The following LINGO1 variants were observed in gnomAD, a reference collection of about 807,000 sequenced individuals.
LINGO1 encodes leucine-rich repeat and immunoglobulin-like domain-containing nogo receptor-interacting protein 1.
A neutral mutation model predicts 37.3 loss-of-function variants in LINGO1; 11 were observed. That is an observed-to-expected ratio of 0.29 (90% CI 0.19 to 0.49). The LOEUF is 0.49. LINGO1 is among the 20% of genes least tolerant of loss of function. The pLI is 0.99. For synonymous variants in LINGO1, 387 were observed against 403.0 expected, an observed-to-expected ratio of 0.96 and a Z score of 0.48; for missense variants, 585 against 878.2, an observed-to-expected ratio of 0.67 and a Z score of 4.22.
intron 1 of LINGO1, among the ~76,000 whole-genome samples, chr15:77,748,462 G>C (rs2076336493): frequency 1.5e-5 from 1 of 68,720 alleles, no homozygotes; most frequent in African/African-American, 3.4e-5. Context: ...CCAGCACAGA[G>C]CCTGGCTCAG....
chr15:77,703,713 C>T (rs1456298156), intron 2 of LINGO1, among the ~76,000 whole-genome samples: 1 of 152,200 alleles, frequency 6.6e-6, no homozygotes, highest in East Asian at 1.9e-4. Context: ...GAAGCCCGAT[C>T]CTTGGGGTTT....
intron 1 of LINGO1, among the ~76,000 whole-genome samples, chr15:77,747,892 G>A: frequency 6.6e-6 from 1 of 152,244 alleles, no homozygotes; most frequent in Admixed American, 6.5e-5. Context: ...AAGGAGGCAG[G>A]GAGGAGGAGG....
At chr15:77,631,960 G>T (rs945062175) in intron 1 of LINGO1, among the ~76,000 whole-genome samples, 1 of 152,116 alleles carries the variant, frequency 6.6e-6, no homozygotes, top group Non-Finnish European at 1.5e-5. Flanking sequence ...ACCCACCCAG[G>T]GCTGAGCAGG....
At chr15:77,684,908 C>T (rs1448150236) in intron 2 of LINGO1, among the ~76,000 whole-genome samples, 1 of 152,116 alleles carries the variant, frequency 6.6e-6, no homozygotes, top group Non-Finnish European at 1.5e-5. Context: ...AGGGGCTGGG[C>T]AACAAGCTCG....
intron 1 of LINGO1, among the ~76,000 whole-genome samples, chr15:77,631,001 C>T (rs896281197): frequency 1.3e-5 from 2 of 152,232 alleles, no homozygotes; most frequent in Admixed American, 6.5e-5. Context: ...TTTTGAGCTC[C>T]TCCCTGGCTT....
chr15:77,808,604 T>A (rs1351190333), intron 1 of LINGO1, among the ~76,000 whole-genome samples: 1 of 152,074 alleles, frequency 6.6e-6, no homozygotes, highest in Non-Finnish European at 1.5e-5. Context: ...CAGCACAGAC[T>A]CCCCTCTGTC....
In LINGO1 at chr15:77,632,340, G is replaced by A. The variant is rs1236142041; in HGVS notation, c.-25C>T. Reference sequence around the variant, plus strand: ...TCTCGGGCGCGCCTTCGGTCCGCTCGGCTCGGTCACCAATCGCATGTCTCT... The same window carrying A: ...TCTCGGGCGCGCCTTCGGTCCGCTCAGCTCGGTCACCAATCGCATGTCTCT... On this transcript the variant is annotated 5_prime_UTR_variant, in exon 1 of 2. Coordinates refer to ENST00000355300, the MANE Select transcript of LINGO1 (RefSeq NM_032808.7). The surrounding 1 kb of genome is among the most constrained non-coding windows in gnomAD (Gnocchi z 6.0). 5 of 1,432,160 alleles carry A rather than the reference G, an allele frequency of 3.5e-6. No individual in the cohort carries two copies. Among genetic ancestry groups the A allele is most frequent in the Admixed American group, 5.0e-5 (2 of 39,954 alleles). The allele number at this position is 1,432,160 out of a possible 1,614,324, so 88.7% of individuals were successfully genotyped here. A position where few individuals can be genotyped will look rare whatever the true frequency, so the allele number is the denominator to read the frequency against.
intron 2 of LINGO1, among the ~76,000 whole-genome samples, chr15:77,732,923 A>C (rs1368890902): frequency 6.6e-6 from 1 of 152,190 alleles, no homozygotes; most frequent in Non-Finnish European, 1.5e-5. Context: ...TGCTGCGTCC[A>C]GGTGTGTTGA....
At chr15:77,646,880 C>T (rs2074643868) in intron 3 of LINGO1, among the ~76,000 whole-genome samples, 1 of 152,152 alleles carries the variant, frequency 6.6e-6, no homozygotes, top group Non-Finnish European at 1.5e-5. Flanking sequence ...ACACCAGGGC[C>T]GGCCTAGAAT....
At chr15:77,652,434 C>G (rs979857306) in intron 3 of LINGO1, 1 of 150,548 alleles carries the variant, frequency 6.6e-6, no homozygotes, top group African/African-American at 2.5e-5. Context: ...CTTCCGTCTT[C>G]CTGAGCAACT....
At chr15:77,637,740 G>A (rs570942451), upstream of LINGO1, among the ~76,000 whole-genome samples, 97 of 152,306 alleles carry the variant, frequency 6.4e-4, 1 homozygote, top group Non-Finnish European at 1.3e-3. The surrounding 1 kb of genome is among the most constrained non-coding windows in gnomAD (Gnocchi z 4.6). Flanking sequence ...CCCACTCGGA[G>A]ACACCTGGAC....
intron 2 of LINGO1, among the ~76,000 whole-genome samples, chr15:77,711,626 G>A (rs1244540599): frequency 6.6e-6 from 1 of 152,230 alleles, no homozygotes; most frequent in Non-Finnish European, 1.5e-5. Flanking sequence ...TTAGCCCGAG[G>A]ATTCACAGGA....
intron 1 of LINGO1, among the ~76,000 whole-genome samples, chr15:77,799,548 T>G (rs2076900304): frequency 6.6e-6 from 1 of 152,102 alleles, no homozygotes; most frequent in Non-Finnish European, 1.5e-5. Flanking sequence ...CAGAAGTAAC[T>G]CAAAGAATGT....
At chr15:77,708,815 A>C (rs1302726376) in intron 2 of LINGO1, among the ~76,000 whole-genome samples, 2 of 152,186 alleles carry the variant, frequency 1.3e-5, no homozygotes, top group African/African-American at 4.8e-5. Context: ...TACTGGGTTC[A>C]AGGCAGAAGA....
At chr15:77,675,713 GATAC>G (rs1157370654) in intron 3 of LINGO1, among the ~76,000 whole-genome samples, 1 of 152,078 alleles carries the variant, frequency 6.6e-6, no homozygotes, top group Non-Finnish European at 1.5e-5. Flanking sequence ...TAGATAGATA[GATAC>G]ATACATAGAT....
chr15:77,657,657 T>C (rs2074894139), intron 3 of LINGO1, among the ~76,000 whole-genome samples: 1 of 152,104 alleles, frequency 6.6e-6, no homozygotes, highest in Admixed American at 6.5e-5. Context: ...GTAGGTCCCC[T>C]GCCTCCCTGC....
upstream of LINGO1, among the ~76,000 whole-genome samples, chr15:77,701,330 C>T (rs2075779674): frequency 6.6e-6 from 1 of 152,118 alleles, no homozygotes; most frequent in Admixed American, 6.5e-5. Flanking sequence ...GTCTGGCAGC[C>T]TGAGGAGATG....
At position 77,783,724 on chromosome 15, in the gene LINGO1, G is replaced by C. The variant is rs566174728; in HGVS notation, c.-257+3145C>G. On this transcript the variant is annotated intron_variant, in intron 1 of 3. Coordinates refer to the LINGO1 transcript ENST00000561686. ...GCTAAAACGAATCCCATGTCTTATA[G>C]AGGAAGAAGCTGGAGAGATTGTGGG... Among the ~76,000 whole-genome samples the C allele has an allele frequency of 3.0e-4, 46 of 152,342 alleles. No individual in the cohort carries two copies. The South Asian group carries it at 9.1e-3, about 30-fold the overall frequency.
intron 1 of LINGO1, among the ~76,000 whole-genome samples, chr15:77,769,820 C>T (rs939826135): frequency 1.3e-5 from 2 of 152,170 alleles, no homozygotes; most frequent in Non-Finnish European, 2.9e-5. Flanking sequence ...AAGTCTCTCC[C>T]GGTGCGGGTA....
Sources: gnomAD v4.1 joint callset for allele counts (sites outside exome capture counted in the v4.1 genomes callset) on GRCh38, gnomAD v4.1.1 for gene constraint, Gnocchi (gnomAD v3.1) non-coding constraint, MANE v1.5 for transcripts, NCBI Gene and HGNC (gene_info 2026-07-23, HGNC 2026-07-21) for gene names.